Variants in GDAP2 observed in about 807,000 individuals in gnomAD.
GDAP2 encodes ganglioside induced differentiation associated protein 2.
A neutral mutation model predicts 67.0 loss-of-function variants in GDAP2; 51 were observed. The observed-to-expected ratio is 0.76, with a 90% confidence interval of 0.61 to 0.96. The LOEUF (loss-of-function observed/expected upper bound fraction) is 0.96. Among genes scored for constraint, GDAP2 ranks in the 40% least tolerant of loss-of-function variants. The pLI, the probability that GDAP2 is intolerant of heterozygous loss-of-function variation, is 0.00. For missense variants in GDAP2, 547 were observed against 588.3 expected (o/e 0.93, Z 0.73); for synonymous variants, 203 against 207.3 (o/e 0.98, Z 0.18).
chr1:117,896,812 A>T (rs759235010), intron 8 of GDAP2, 21 bp downstream of exon 8: 3 of 1,574,846 alleles, frequency 1.9e-6, no homozygotes, highest in Non-Finnish European at 2.6e-6. Context: ...TGTATCTAAC[A>T]GTCCTGAAGG....
intron 10 of GDAP2, 105 bp from the exon 11 acceptor site, chr1:117,883,732 T>G: frequency 1.4e-6 from 1 of 691,736 alleles, no homozygotes; most frequent in African/African-American, 1.8e-5. Context: ...ATTAACCTAC[T>G]CTATGCCCTA....
At chr1:117,878,268 G>A (rs1284440319) in intron 12 of GDAP2, 116 bp from the exon 13 acceptor site, 1 of 540,430 alleles carries the variant, frequency 1.9e-6, no homozygotes, top group Non-Finnish European at 3.2e-6. Flanking sequence ...AAAATAACTA[G>A]TGTTTTCAAA....
In GDAP2 at chr1:117,865,517, T is replaced by C. The variant is rs1648026548; in HGVS notation, c.*5052A>G. The C allele has an allele frequency of 6.6e-6, 1 of 152,210 alleles. No homozygotes were observed. 9.4% of individuals were successfully genotyped at this position (152,210 alleles called of 1,614,324 possible). A position where few individuals can be genotyped will look rare whatever the true frequency, so the allele number is the denominator to read the frequency against. ...TTTATATATGTTAAGCTCTTAAATATTTAGCTCACAAGATCTGGTCTAACA... is the reference window on the plus strand; with the variant it reads ...TTTATATATGTTAAGCTCTTAAATACTTAGCTCACAAGATCTGGTCTAACA... On this transcript the variant is annotated 3_prime_UTR_variant, in exon 14 of 14. Transcript: ENST00000369443.
intron 8 of GDAP2, 21 bp downstream of exon 8, chr1:117,896,812 A>C: frequency 6.3e-7 from 1 of 1,574,846 alleles, no homozygotes; most frequent in Non-Finnish European, 8.7e-7. Context: ...TGTATCTAAC[A>C]GTCCTGAAGG....
intron 13 of GDAP2, 76 bp from the exon 14 acceptor site, chr1:117,870,692 A>ACAGT: frequency 2.0e-6 from 2 of 979,822 alleles, no homozygotes; most frequent in Non-Finnish European, 3.3e-6. Flanking sequence ...AAAGGGATTT[A>ACAGT]CAGTCATTGA....
chr1:117,921,842 G>C (rs1303193089), intron 1 of GDAP2, among the ~76,000 whole-genome samples: 1 of 152,208 alleles, frequency 6.6e-6, no homozygotes, highest in Non-Finnish European at 1.5e-5. Context: ...ATTTAGGTGA[G>C]ATGGTAGTGA....
At chr1:117,873,066 A>G (rs1648343851) in intron 13 of GDAP2, among the ~76,000 whole-genome samples, 1 of 152,142 alleles carries the variant, frequency 6.6e-6, no homozygotes, top group African/African-American at 2.4e-5. Flanking sequence ...AATTATGACA[A>G]ACTAAGAAGA....
At position 117,896,996 on chromosome 1, in the gene GDAP2, C is replaced by T. The variant is rs372877535; in HGVS notation, c.797-7G>A. On this transcript the variant is annotated splice_polypyrimidine_tract_variant and splice_region_variant and intron_variant, in intron 7 of 13. Transcript: ENST00000369443. ...TCCTCCTCTTCTTGGTTATCTGTAACAAAAATGCAACTATCAATAGAGAGC... is the reference window on the plus strand; with the variant it reads ...TCCTCCTCTTCTTGGTTATCTGTAATAAAAATGCAACTATCAATAGAGAGC... 1 of 1,586,306 alleles carries T rather than the reference C, an allele frequency of 6.3e-7. No individual in the cohort carries two copies. Among genetic ancestry groups the T allele is most frequent in the Non-Finnish European group, 8.6e-7 (1 of 1,163,160 alleles).
intron 5 of GDAP2, among the ~76,000 whole-genome samples, chr1:117,906,857 C>T (rs1437249496): frequency 6.6e-6 from 1 of 152,196 alleles, no homozygotes; most frequent in Non-Finnish European, 1.5e-5. Context: ...AGAATGAAAG[C>T]TCCATAAAGA....
At chr1:117,924,314 T>C (rs1371051340) in intron 1 of GDAP2, among the ~76,000 whole-genome samples, 1 of 152,202 alleles carries the variant, frequency 6.6e-6, no homozygotes, top group South Asian at 2.1e-4. Context: ...TCCTAGTGTC[T>C]GTTGTTCCCT....
rs768739673 is a variant in GDAP2, at chr1:117,912,527, T to C, written c.470+3A>G. ...CTATGTCCAGAAAATGAGTAGACCATACTTTGCTAGTTGAAGTACGTTTCT... is the reference window on the plus strand; with the variant it reads ...CTATGTCCAGAAAATGAGTAGACCACACTTTGCTAGTTGAAGTACGTTTCT... On this transcript the variant is annotated splice_donor_region_variant and intron_variant, in intron 4 of 13. Transcript: ENST00000369443. 3 of 1,612,232 alleles carry C rather than the reference T, an allele frequency of 1.9e-6. No individual in the cohort carries two copies. Among genetic ancestry groups the C allele is most frequent in the South Asian group, 2.2e-5 (2 of 90,974 alleles).
At chr1:117,899,341 T>G (rs1649369278) in intron 6 of GDAP2, 125 bp from the exon 7 acceptor site, 1 of 675,128 alleles carries the variant, frequency 1.5e-6, no homozygotes, top group African/African-American at 1.8e-5. Flanking sequence ...TTACCACTTC[T>G]GAGCTCAGAC....
chr1:117,886,304 C>T (rs1648852016), intron 10 of GDAP2, among the ~76,000 whole-genome samples: 1 of 152,044 alleles, frequency 6.6e-6, no homozygotes, highest in Admixed American at 6.6e-5. Flanking sequence ...TGATTCCAAC[C>T]ACTTACTAGT....
intron 5 of GDAP2, among the ~76,000 whole-genome samples, chr1:117,909,655 C>T (rs1187761354): frequency 6.6e-6 from 1 of 152,108 alleles, no homozygotes; most frequent in Non-Finnish European, 1.5e-5. Flanking sequence ...AGATTTAAGG[C>T]CTAATAAGTC....
At chr1:117,928,705 A>G (rs987342825) in intron 1 of GDAP2, among the ~76,000 whole-genome samples, 1 of 152,230 alleles carries the variant, frequency 6.6e-6, no homozygotes, top group Admixed American at 6.5e-5. Flanking sequence ...AATGTAGACA[A>G]AAGTCTAATT....
At chr1:117,905,828 C>G (rs1649634588) in intron 6 of GDAP2, among the ~76,000 whole-genome samples, 1 of 151,910 alleles carries the variant, frequency 6.6e-6, no homozygotes, top group Non-Finnish European at 1.5e-5. Flanking sequence ...CTATATATGC[C>G]TTGAATAGAT....
intron 6 of GDAP2, among the ~76,000 whole-genome samples, chr1:117,902,492 T>C (rs768440674): frequency 6.6e-6 from 1 of 152,216 alleles, no homozygotes; most frequent in African/African-American, 2.4e-5. Flanking sequence ...TGCTATAAGG[T>C]AGGAATACAA....
At chr1:117,900,668 A>G (rs1167205863) in intron 6 of GDAP2, among the ~76,000 whole-genome samples, 1 of 151,274 alleles carries the variant, frequency 6.6e-6, no homozygotes, top group African/African-American at 2.4e-5. Context: ...CGGGAGGCTG[A>G]GGCAGGGGAA....
Position 117,866,587 on chromosome 1 carries a change from G to C in GDAP2, c.*3982C>G, listed in dbSNP as rs970800469. Reference sequence around the variant, plus strand: ...ATCAGAAACCTGGCCAGGCACAGTGGCTTATGCCTGTAATCTGGCACTTTG... The same window carrying C: ...ATCAGAAACCTGGCCAGGCACAGTGCCTTATGCCTGTAATCTGGCACTTTG... On this transcript the variant is annotated 3_prime_UTR_variant, in exon 14 of 14. Coordinates refer to ENST00000369443, the MANE Select transcript of GDAP2 (RefSeq NM_017686.4). 1 of 152,150 alleles carries C rather than the reference G, an allele frequency of 6.6e-6. No homozygotes were observed. The highest frequency in any genetic ancestry group is 2.4e-5 in the African/African-American group (1 of 41,418). 9.4% of individuals were successfully genotyped at this position (152,150 alleles called of 1,614,324 possible). A position where few individuals can be genotyped will look rare whatever the true frequency, so the allele number is the denominator to read the frequency against.
Sources: gnomAD v4.1 joint callset for allele counts (sites outside exome capture counted in the v4.1 genomes callset) on GRCh38, gnomAD v4.1.1 for gene constraint, MANE v1.5 for transcripts, NCBI Gene and HGNC (gene_info 2026-07-23, HGNC 2026-07-21) for gene names.